The following TMEM178B variants were observed in gnomAD, a reference collection of about 807,000 sequenced individuals.
TMEM178B encodes the protein transmembrane protein 178B.
Under a neutral mutation model 31.0 loss-of-function variants are expected in TMEM178B, and 5 were observed. That is an observed-to-expected ratio of 0.16 (90% CI 0.08 to 0.34). The LOEUF is 0.34. TMEM178B is among the 10% of genes least tolerant of loss of function. TMEM178B has a pLI of 1.00. For synonymous variants in TMEM178B, 164 were observed against 164.0 expected (o/e 1.00, Z 0.00); for missense variants, 275 against 400.3 (o/e 0.69, Z 2.67).
At chr7:141,453,278 T>A (rs1801902025) in intron 3 of TMEM178B, among the ~76,000 whole-genome samples, 1 of 152,268 alleles carries the variant, frequency 6.6e-6, no homozygotes, top group African/African-American at 2.4e-5. Context: ...GTTGTTATTT[T>A]GCTCATCTTT....
At chr7:141,314,490 C>G (rs1050329544) in intron 2 of TMEM178B, among the ~76,000 whole-genome samples, 2 of 152,192 alleles carry the variant, frequency 1.3e-5, no homozygotes, top group African/African-American at 4.8e-5. Flanking sequence ...TATCAGTGCT[C>G]TCCTTCCACC....
intron 2 of TMEM178B, among the ~76,000 whole-genome samples, chr7:141,331,887 T>C (rs549957194): frequency 5.3e-5 from 8 of 152,248 alleles, no homozygotes; most frequent in Non-Finnish European, 1.0e-4. Context: ...ACTCTCTTTG[T>C]GTCTGTACCC....
chr7:141,253,716 A>G (rs1203616555), intron 2 of TMEM178B, among the ~76,000 whole-genome samples: 1 of 151,158 alleles, frequency 6.6e-6, no homozygotes, highest in Non-Finnish European at 1.5e-5. Context: ...GCGCCCGGCT[A>G]AATTTTGGTA....
At chr7:141,489,613 C>T in the TMEM178B span, among the ~76,000 whole-genome samples, 1 of 152,068 alleles carries the variant, frequency 6.6e-6, no homozygotes, top group African/African-American at 2.4e-5. Flanking sequence ...CATTCTCTCC[C>T]CAGTCCCTTC....
In TMEM178B at chr7:141,479,638, T is replaced by C. The variant is rs1453282372; in HGVS notation, c.*8852T>C. On this transcript the variant is annotated 3_prime_UTR_variant, in exon 4 of 4. Transcript: ENST00000565468. The stretch of plus-strand genomic sequence containing the variant: ...TTGATTGATTTAAAATATAACATTC[T>C]GAGCCCTGTGTTACTGAGCAAAAAT... 1.3e-5 allele frequency: 2 copies of C among 152,222 alleles called. No homozygotes were observed. Among genetic ancestry groups the C allele is most frequent in the African/African-American group, 4.8e-5 (2 of 41,452 alleles). 9.4% of individuals were successfully genotyped at this position (152,222 alleles called of 1,614,324 possible). A position where few individuals can be genotyped will look rare whatever the true frequency, so the allele number is the denominator to read the frequency against.
At chr7:141,164,279 T>C (rs1386395055) in intron 1 of TMEM178B, among the ~76,000 whole-genome samples, 1 of 152,194 alleles carries the variant, frequency 6.6e-6, no homozygotes, top group Non-Finnish European at 1.5e-5. Flanking sequence ...TATTCCGAAA[T>C]GTAAAATTTC....
rs1802361782 is a variant in TMEM178B at position 141,476,207 on chromosome 7, T to A, written c.*5421T>A. 2 of 152,202 alleles carry A rather than the reference T, an allele frequency of 1.3e-5. No individual in the cohort carries two copies. The highest frequency in any genetic ancestry group is 4.8e-5 in the African/African-American group (2 of 41,454). 9.4% of individuals were successfully genotyped at this position (152,202 alleles called of 1,614,324 possible). Reference sequence around the variant, plus strand: ...TGAACAGGGCTGGACCTGTCGCACTTAAGCACACTTAAAGGATTCTATTCT... The same window carrying A: ...TGAACAGGGCTGGACCTGTCGCACTAAAGCACACTTAAAGGATTCTATTCT... On this transcript the variant is annotated 3_prime_UTR_variant, in exon 4 of 4. Transcript: ENST00000565468.
intron 1 of TMEM178B, among the ~76,000 whole-genome samples, chr7:141,090,034 C>A (rs183939536): frequency 6.6e-6 from 1 of 152,046 alleles, no homozygotes; most frequent in Non-Finnish European, 1.5e-5. Context: ...GCCACCACTT[C>A]ATGATAATCT....
intron 2 of TMEM178B, among the ~76,000 whole-genome samples, chr7:141,429,422 T>C (rs968801367): frequency 3.9e-5 from 6 of 152,132 alleles, no homozygotes; most frequent in African/African-American, 1.4e-4. Flanking sequence ...TGGAGGACAC[T>C]ATGCTAAGTC....
At chr7:141,243,603 CCTCGCTGGGCCT>C (rs1797678873) in intron 2 of TMEM178B, among the ~76,000 whole-genome samples, 2 of 151,978 alleles carry the variant, frequency 1.3e-5, no homozygotes, top group Non-Finnish European at 2.9e-5. Flanking sequence ...AGGTCACTCT[CCTCGCTGGGCCT>C]CGGCTTCCTT....
chr7:141,326,050 A>G (rs959880420), intron 2 of TMEM178B, among the ~76,000 whole-genome samples: 5 of 152,246 alleles, frequency 3.3e-5, no homozygotes, highest in African/African-American at 1.2e-4. Flanking sequence ...ACAGTTGTGA[A>G]TAACCCTATT....
intron 2 of TMEM178B, among the ~76,000 whole-genome samples, chr7:141,329,924 T>G (rs190806590): frequency 1.3e-5 from 2 of 152,272 alleles, no homozygotes; most frequent in East Asian, 3.9e-4. Context: ...AATGACAGGT[T>G]AACGAACGTG....
At chr7:141,095,172 A>C (rs988889172) in intron 1 of TMEM178B, among the ~76,000 whole-genome samples, 6 of 152,158 alleles carry the variant, frequency 3.9e-5, no homozygotes, top group Admixed American at 3.9e-4. Context: ...TAAGGACTCA[A>C]AATTCTAAGA....
chr7:141,400,395 G>A lies in TMEM178B; in HGVS notation c.497-37213G>A, dbSNP rs143475201. Among the ~76,000 whole-genome samples, 51 of 152,242 alleles carry A rather than the reference G, an allele frequency of 3.3e-4. No homozygotes were observed. The East Asian group carries it at 9.1e-3, about 27-fold the overall frequency. ...CTCTCAAACACATTTGCATTTTGCT[G>A]CCACTGCTTCAACTGGGGCCCTGGG... On this transcript the variant is annotated intron_variant, in intron 2 of 3. Transcript: ENST00000565468.
At chr7:141,118,165 G>A (rs1344112664) in intron 1 of TMEM178B, among the ~76,000 whole-genome samples, 2 of 152,148 alleles carry the variant, frequency 1.3e-5, no homozygotes, top group Non-Finnish European at 2.9e-5. Flanking sequence ...GCTCATTCCT[G>A]TGCCCACAGT....
intron 2 of TMEM178B, among the ~76,000 whole-genome samples, chr7:141,360,473 A>G (rs1799897723): frequency 6.6e-6 from 1 of 152,222 alleles, no homozygotes; most frequent in Non-Finnish European, 1.5e-5. Flanking sequence ...CCAGGCTTTC[A>G]CAAAGAGTAA....
At chr7:141,128,761 G>A (rs1395503136) in intron 1 of TMEM178B, among the ~76,000 whole-genome samples, 1 of 152,050 alleles carries the variant, frequency 6.6e-6, no homozygotes, top group Non-Finnish European at 1.5e-5. Context: ...AGAACAAAGA[G>A]TCATCTGTTG....
intron 2 of TMEM178B, among the ~76,000 whole-genome samples, chr7:141,316,001 A>C (rs113574970): frequency 6.6e-5 from 10 of 152,088 alleles, no homozygotes; most frequent in Admixed American, 2.0e-4. Context: ...TCCTAATAGG[A>C]TCCTTGTTGC....
chr7:141,357,649 G>A (rs1048447012), intron 2 of TMEM178B, among the ~76,000 whole-genome samples: 2 of 151,986 alleles, frequency 1.3e-5, no homozygotes, highest in African/African-American at 4.8e-5. Context: ...AATTTTTGCG[G>A]GTGTATTTAA....
Sources: gnomAD v4.1 joint callset for allele counts (sites outside exome capture counted in the v4.1 genomes callset) on GRCh38, gnomAD v4.1.1 for gene constraint, MANE v1.5 for transcripts, NCBI Gene and HGNC (gene_info 2026-07-23, HGNC 2026-07-21) for gene names.